The following GRB2 variants were observed in gnomAD, a reference collection of about 807,000 sequenced individuals.
The protein encoded by GRB2 is growth factor receptor bound protein 2, also known as growth factor receptor-bound protein 2.
GRB2 carries 2 observed loss-of-function variants against 27.4 expected under a neutral mutation model. The observed-to-expected ratio is 0.07, with a 90% CI of 0.03 to 0.23. The LOEUF (loss-of-function observed/expected upper bound fraction) is 0.23, where lower values mean the gene tolerates loss of function less well. Among genes scored for constraint, GRB2 ranks in the 10% least tolerant of loss-of-function variants. The pLI, the probability that GRB2 is intolerant of heterozygous loss-of-function variation, is 1.00. For synonymous variants in GRB2, 94 were observed against 99.6 expected (o/e 0.94, Z 0.33); for missense variants, 102 against 282.4 (o/e 0.36, Z 4.58).
chr17:75,385,276 T>G (rs2078956956), intron 2 of GRB2, among the ~76,000 whole-genome samples: 1 of 151,872 alleles, frequency 6.6e-6, no homozygotes, highest in Non-Finnish European at 1.5e-5. Flanking sequence ...GTGGCTCACT[T>G]CTATAATCCC....
chr17:75,324,507 GTTTTTTTTTTTTT>G (rs767194304), intron 4 of GRB2, among the ~76,000 whole-genome samples: 903 of 36,704 alleles, frequency 0.025, 30 homozygotes, highest in African/African-American at 0.067. Context: ...ACCGCACCCA[GTTTTTTTTTTTTT>G]TTTTTTTTTT....
chr17:75,384,999 G>A (rs1053655710), intron 2 of GRB2, among the ~76,000 whole-genome samples: 7 of 120,684 alleles, frequency 5.8e-5, no homozygotes, highest in Admixed American at 1.2e-4. Flanking sequence ...CGAGACCAGC[G>A]TGGGCAACAG....
chr17:75,383,017 T>C (rs770696015), intron 2 of GRB2, among the ~76,000 whole-genome samples: 1 of 152,116 alleles, frequency 6.6e-6, no homozygotes, highest in Non-Finnish European at 1.5e-5. Flanking sequence ...CCGGCATCCT[T>C]AAGATTTTTA....
chr17:75,338,850 C>A, intron 2 of GRB2: 1 of 771,140 alleles, frequency 1.3e-6, no homozygotes, highest in Non-Finnish European at 2.4e-6. Context: ...CTAAAATTCA[C>A]TGGACTTTCT....
At chr17:75,329,710 C>G (rs1021940617) in intron 3 of GRB2, among the ~76,000 whole-genome samples, 1 of 151,924 alleles carries the variant, frequency 6.6e-6, no homozygotes, top group African/African-American at 2.4e-5. Flanking sequence ...CCGGGCAACA[C>G]AGTGAGACCC....
intron 2 of GRB2, chr17:75,371,010 T>A (rs1216778742): frequency 6.6e-6 from 1 of 152,178 alleles, no homozygotes; most frequent in Non-Finnish European, 1.5e-5. Context: ...GGGCAGTGAC[T>A]TTAAGAAATA....
At chr17:75,358,931 A>AT (rs1567866500) in intron 2 of GRB2, among the ~76,000 whole-genome samples, 22 of 126,594 alleles carry the variant, frequency 1.7e-4, no homozygotes, top group East Asian at 4.6e-4. Flanking sequence ...ATATATATAT[A>AT]AAATAGGCCA....
chr17:75,358,609 A>C (rs2078750503), intron 2 of GRB2, among the ~76,000 whole-genome samples: 1 of 149,664 alleles, frequency 6.7e-6, no homozygotes, highest in African/African-American at 2.4e-5. Flanking sequence ...GCATGCCTGT[A>C]ATCCCAGCAC....
intron 2 of GRB2, among the ~76,000 whole-genome samples, chr17:75,345,246 G>C (rs1027985854): frequency 6.6e-6 from 1 of 151,790 alleles, no homozygotes; most frequent in Non-Finnish European, 1.5e-5. Flanking sequence ...GGGTTTCACC[G>C]TGTTAGCCAG....
Position 75,332,682 on chromosome 17 carries a change from T to C in GRB2, c.176+18A>G. 2.0e-6 allele frequency: 3 copies of C among 1,468,196 alleles called. No homozygotes were observed. Among genetic ancestry groups the C allele is most frequent in the Middle Eastern group, 1.7e-4 (1 of 5,792 alleles). The allele number at this position is 1,468,196 out of a possible 1,614,324, so 90.9% of individuals were successfully genotyped here. A position where few individuals can be genotyped will look rare whatever the true frequency, so the allele number is the denominator to read the frequency against. ...GAGGTGGGTCCAACCCTTCCAAGAC[T>C]AATGGAGCTTAACTTACGGATGTGG... On this transcript the variant is annotated intron_variant, in intron 3 of 5. Transcript: ENST00000316804.
chr17:75,334,239 C>T (rs142831977), intron 2 of GRB2, among the ~76,000 whole-genome samples: 7 of 152,058 alleles, frequency 4.6e-5, no homozygotes, highest in East Asian at 1.9e-4. Flanking sequence ...GGCGCGATCT[C>T]GGCTCACTGC....
intron 2 of GRB2, among the ~76,000 whole-genome samples, chr17:75,362,618 A>G (rs1036083279): frequency 7.2e-5 from 11 of 152,246 alleles, no homozygotes; most frequent in Non-Finnish European, 1.6e-4. Context: ...CAGAAACAGA[A>G]GTTCTATCTG....
intron 2 of GRB2, among the ~76,000 whole-genome samples, chr17:75,339,438 C>T (rs1259279712): frequency 6.6e-6 from 1 of 151,436 alleles, no homozygotes; most frequent in Non-Finnish European, 1.5e-5. Context: ...CCTGATCCAC[C>T]CACCTCGGCC....
intron 4 of GRB2, among the ~76,000 whole-genome samples, chr17:75,325,489 T>C (rs1357581760): frequency 6.6e-6 from 1 of 152,092 alleles, no homozygotes; most frequent in Non-Finnish European, 1.5e-5. Context: ...CCTTCTTAAG[T>C]GACTGTGAGG....
At chr17:75,369,280 A>AG (rs2078840302) in intron 2 of GRB2, among the ~76,000 whole-genome samples, 1 of 152,220 alleles carries the variant, frequency 6.6e-6, no homozygotes, top group East Asian at 1.9e-4. Flanking sequence ...CTAACCTAGG[A>AG]GTTCACAATG....
At chr17:75,358,068 T>C (rs961860559) in intron 2 of GRB2, among the ~76,000 whole-genome samples, 2 of 152,180 alleles carry the variant, frequency 1.3e-5, no homozygotes, top group Non-Finnish European at 2.9e-5. Context: ...CCAACCACCA[T>C]GTCTAGCCTG....
intron 2 of GRB2, among the ~76,000 whole-genome samples, chr17:75,384,601 T>C (rs2078950324): frequency 6.6e-6 from 1 of 151,780 alleles, no homozygotes; most frequent in Admixed American, 6.6e-5. Context: ...ACCCGGGAGG[T>C]GGAGGTTGCA....
intron 2 of GRB2, among the ~76,000 whole-genome samples, chr17:75,342,432 CTT>C (rs1250465108): frequency 1.3e-5 from 2 of 152,146 alleles, no homozygotes; most frequent in Admixed American, 6.5e-5. Flanking sequence ...CATTCTCTCT[CTT>C]CTTTTTTAAT....
intron 2 of GRB2, among the ~76,000 whole-genome samples, chr17:75,369,216 A>T (rs2078839926): frequency 6.6e-6 from 1 of 152,196 alleles, no homozygotes; most frequent in African/African-American, 2.4e-5. Flanking sequence ...ACATCTTAGA[A>T]ATTTAATAAT....
Sources: allele counts gnomAD v4.1 joint callset (sites outside exome capture counted in the v4.1 genomes callset), GRCh38; gene constraint gnomAD v4.1.1; transcripts MANE v1.5; gene names NCBI Gene and HGNC (gene_info 2026-07-23, HGNC 2026-07-21).